PHF20: variants seen among roughly 807,000 people sequenced by gnomAD.
PHF20 encodes the protein PHD finger protein 20, also known as glioma-expressed antigen 2.
In PHF20, 23 loss-of-function variants were observed where a neutral mutation model predicts 113.5. The observed-to-expected ratio is 0.20, with a 90% CI of 0.15 to 0.29. The LOEUF (loss-of-function observed/expected upper bound fraction) is 0.29. Ranked by LOEUF, PHF20 falls within the 10% of genes least tolerant of loss-of-function variation. The pLI, the probability that PHF20 is intolerant of heterozygous loss-of-function variation, is 1.00. For synonymous variants in PHF20, 434 were observed against 457.3 expected (o/e 0.95, Z 0.65); for missense variants, 943 against 1,219.6 (o/e 0.77, Z 3.38).
intron 14 of PHF20, among the ~76,000 whole-genome samples, chr20:35,928,391 A>T (rs1348222127): frequency 7.1e-6 from 1 of 141,752 alleles, no homozygotes; most frequent in African/African-American, 2.6e-5. Context: ...GTGAGCCGAG[A>T]TCATGCCAGT....
rs541209294 is a variant in PHF20, at chr20:35,847,550, G to T, written c.340+116G>T. 11 of 638,254 alleles carry T rather than the reference G, an allele frequency of 1.7e-5. No individual in the cohort carries two copies. In the East Asian group the frequency reaches 2.8e-4, roughly 16 times the overall value. 39.5% of individuals were successfully genotyped at this position (638,254 alleles called of 1,614,324 possible). ...GTATTTATTTACTGCCTAGGTATCC[G>T]CTTTATTCAAGTTAATCACTATGTC... is the stretch of plus-strand genomic sequence containing the variant. On this transcript the variant is annotated intron_variant, in intron 4 of 17. Coordinates refer to ENST00000374012, the MANE Select transcript of PHF20 (RefSeq NM_016436.5).
At chr20:35,870,820 C>G (rs1042981009) in intron 7 of PHF20, 135 bp from the exon 8 acceptor site, 15 of 574,548 alleles carry the variant, frequency 2.6e-5, no homozygotes, top group Non-Finnish European at 4.1e-5. Context: ...AGGGTATTTC[C>G]TTTTATCACT....
intron 4 of PHF20, among the ~76,000 whole-genome samples, chr20:35,847,733 A>G (rs2042648383): frequency 6.6e-6 from 1 of 152,190 alleles, no homozygotes. Flanking sequence ...AGGAGTTCCT[A>G]ATATAATTGA....
intron 10 of PHF20, among the ~76,000 whole-genome samples, chr20:35,907,840 T>C (rs979315335): frequency 1.3e-5 from 2 of 152,200 alleles, no homozygotes; most frequent in South Asian, 4.1e-4. Flanking sequence ...GTCCAGTATT[T>C]CTTTGTTTTT....
chr20:35,938,741 A>G lies in PHF20; in HGVS notation c.2345A>G (p.Lys782Arg), dbSNP rs1407758360. 6.8e-6 allele frequency: 11 copies of G among 1,613,666 alleles called. No individual in the cohort carries two copies. The highest frequency in any genetic ancestry group is 9.3e-6 in the Non-Finnish European group (11 of 1,179,844). Residue 782 changes from lysine to arginine, a missense_variant, in exon 16 of 18, where the codon AAA (lysine) becomes AGA (arginine). Around this residue, in one of 3 missense-constraint regions of PHF20, gnomAD observed 349 missense variants for 412.3 expected, o/e 0.85. Coordinates refer to ENST00000374012, the MANE Select transcript of PHF20 (RefSeq NM_016436.5). ...CTGCCGCTGTGGTGCCAGCCTTGGA[A>G]ACAGCACTCAGGGGAGGGGAGATCT... ...PDLPLWCQPW[K>R]QHSGEGRSHF...
At chr20:35,850,094 C>G (rs1175338355) in intron 4 of PHF20, among the ~76,000 whole-genome samples, 1 of 152,118 alleles carries the variant, frequency 6.6e-6, no homozygotes. Context: ...CTTTTTTCAC[C>G]TGGAGTGGTT....
intron 10 of PHF20, among the ~76,000 whole-genome samples, chr20:35,905,532 G>T (rs887985189): frequency 2.6e-5 from 4 of 152,180 alleles, no homozygotes; most frequent in Non-Finnish European, 5.9e-5. Flanking sequence ...CAAGAAGATG[G>T]CCATCTGCAA....
rs545978459 is a variant in PHF20 at position 35,927,866 on chromosome 20, C to T, written c.2091C>T (p.Cys697=). 2 of 1,611,140 alleles carry T rather than the reference C, an allele frequency of 1.2e-6. No homozygotes were observed. The highest frequency in any genetic ancestry group is 2.2e-5 in the East Asian group (1 of 44,870). Residue 697 remains cysteine, a synonymous_variant, in exon 14 of 18, where the codon TGC becomes TGT. Coordinates refer to ENST00000374012, the MANE Select transcript of PHF20 (RefSeq NM_016436.5). ...NVPEKYTCYV[C]QDPPGQRPGF... is the part of the protein sequence containing the mutation. Reference sequence around the variant, plus strand: ...CCGAGAAATACACCTGTTATGTTTGCCAAGACCCTCCAGGTAGAGATTTCT... The same window carrying T: ...CCGAGAAATACACCTGTTATGTTTGTCAAGACCCTCCAGGTAGAGATTTCT...
intron 17 of PHF20, among the ~76,000 whole-genome samples, chr20:35,941,360 C>T (rs2055976804): frequency 6.6e-6 from 1 of 152,342 alleles, no homozygotes; most frequent in East Asian, 1.9e-4. Flanking sequence ...CCAATCTTTA[C>T]AAACAAGTTC....
intron 15 of PHF20, among the ~76,000 whole-genome samples, chr20:35,933,326 G>A (rs1259119631): frequency 6.6e-6 from 1 of 151,440 alleles, no homozygotes; most frequent in African/African-American, 2.4e-5. Context: ...TCCACCTCCT[G>A]GGTTCAAGCG....
intron 13 of PHF20, 144 bp downstream of exon 13, chr20:35,917,806 T>G: frequency 1.4e-6 from 1 of 700,570 alleles, no homozygotes. Flanking sequence ...TCTTTTTCGT[T>G]TGGCTTCCTC....
intron 2 of PHF20, among the ~76,000 whole-genome samples, chr20:35,809,304 T>G (rs949689895): frequency 3.3e-5 from 5 of 151,070 alleles, no homozygotes; most frequent in African/African-American, 9.7e-5. Context: ...CTGGGCCTGG[T>G]GTGGTGGCTC....
At chr20:35,865,705 C>T (rs904440734) in intron 6 of PHF20, among the ~76,000 whole-genome samples, 1 of 151,760 alleles carries the variant, frequency 6.6e-6, no homozygotes, top group African/African-American at 2.4e-5. Context: ...CACTATGTTG[C>T]CCAGGTTTGT....
At chr20:35,808,779 G>A (rs1363292159) in intron 2 of PHF20, among the ~76,000 whole-genome samples, 2 of 151,174 alleles carry the variant, frequency 1.3e-5, no homozygotes, top group Non-Finnish European at 2.9e-5. Flanking sequence ...TCACCATGTT[G>A]GCCAGGATGG....
intron 16 of PHF20, among the ~76,000 whole-genome samples, chr20:35,940,325 CT>C (rs1302410906): frequency 6.6e-6 from 1 of 152,104 alleles, no homozygotes; most frequent in African/African-American, 2.4e-5. Context: ...GGCTAACAGT[CT>C]TTTCCATTGA....
Position 35,857,562 on chromosome 20 carries a change from C to CTTTTTTTTTTTTTT in PHF20, c.341-729_341-716dup, listed in dbSNP as rs56655276. The stretch of plus-strand genomic sequence containing the variant: ...CAATACCTTTAGCTGAATGATGTTC[C>CTTTTTTTTTTTTTT]TTTTTTTTTTTTTTTTTTTTTTTTG... On this transcript the variant is annotated intron_variant, in intron 4 of 17. Transcript: ENST00000374012. Among the ~76,000 whole-genome samples, 888 of 99,762 alleles carry CTTTTTTTTTTTTTT rather than the reference C, an allele frequency of 8.9e-3. 8 individuals are homozygous for CTTTTTTTTTTTTTT. The highest frequency in any genetic ancestry group is 0.022 in the South Asian group (54 of 2,434). The allele number at this position is 99,762 out of a possible 152,430, so 65.4% of individuals were successfully genotyped here.
At chr20:35,849,760 G>A (rs915263163) in intron 4 of PHF20, among the ~76,000 whole-genome samples, 59 of 151,496 alleles carry the variant, frequency 3.9e-4, no homozygotes, top group African/African-American at 1.2e-3. Flanking sequence ...CCGGCAAGGC[G>A]GCCCCTTTAT....
chr20:35,801,616 A>G lies in PHF20; in HGVS notation c.83+11A>G. 6.3e-7 allele frequency: 1 copy of G among 1,591,644 alleles called. No individual in the cohort carries two copies. Among genetic ancestry groups the G allele is most frequent in the Non-Finnish European group, 8.6e-7 (1 of 1,160,456 alleles). On this transcript the variant is annotated intron_variant, in intron 2 of 17. Transcript: ENST00000374012. Reference sequence around the variant, plus strand: ...CCGTTTAAAAAACTGGTACTTTTACATTTTTCTGTTAATTAAAGCCCTTCA... The same window carrying G: ...CCGTTTAAAAAACTGGTACTTTTACGTTTTTCTGTTAATTAAAGCCCTTCA...
chr20:35,871,716 A>G lies in PHF20; in HGVS notation c.1169A>G (p.Asp390Gly), dbSNP rs777301538. Residue 390 changes from aspartate to glycine, a missense_variant, in exon 9 of 18, where the codon GAT becomes GGT. Asp to Gly is a moderately conservative substitution (Grantham distance 94). This residue lies in a region of PHF20 where 592 missense variants were observed against 787.2 expected (regional missense o/e 0.75). Coordinates refer to ENST00000374012, the MANE Select transcript of PHF20 (RefSeq NM_016436.5). ...SSALTCHSFGDGSGAAGLELN... is the reference protein window; with the variant it reads ...SSALTCHSFGGGSGAAGLELN... The stretch of plus-strand genomic sequence containing the variant: ...GCACTGACTTGCCACTCCTTTGGGG[A>G]TGGATCCGGGGCTGCAGGCTTGGAG... 3 of 1,613,522 alleles carry G rather than the reference A, an allele frequency of 1.9e-6. No homozygotes were observed. The highest frequency in any genetic ancestry group is 3.3e-5 in the Admixed American group (2 of 59,958).
Sources: allele counts gnomAD v4.1 joint callset (sites outside exome capture counted in the v4.1 genomes callset), GRCh38; gene constraint gnomAD v4.1.1; regional missense constraint gnomAD v4.1.1; transcripts MANE v1.5; gene names NCBI Gene and HGNC (gene_info 2026-07-23, HGNC 2026-07-21).